The following VPS13A variants were observed in gnomAD, a reference collection of about 807,000 sequenced individuals.
VPS13A encodes the protein intermembrane lipid transfer protein VPS13A.
Under a neutral mutation model 390.9 loss-of-function variants are expected in VPS13A, and 264 were observed. The observed-to-expected ratio is 0.68, with a 90% CI of 0.61 to 0.75. The LOEUF is 0.75. Ranked by LOEUF, VPS13A falls within the 30% of genes least tolerant of loss-of-function variation. The pLI is 0.00. For synonymous variants in VPS13A, 1,231 were observed against 1,227.1 expected (o/e 1.00, Z -0.07); for missense variants, 3,409 against 3,733.9 (o/e 0.91, Z 2.27).
intron 35 of VPS13A, among the ~76,000 whole-genome samples, chr9:77,313,242 A>G (rs966137163): frequency 5.9e-5 from 9 of 152,222 alleles, no homozygotes; most frequent in African/African-American, 2.2e-4. Flanking sequence ...GATTGAAATT[A>G]GAATGGTAGA....
At chr9:77,198,476 G>A (rs901854829) in intron 1 of VPS13A, among the ~76,000 whole-genome samples, 2 of 152,096 alleles carry the variant, frequency 1.3e-5, no homozygotes, top group African/African-American at 4.8e-5. Flanking sequence ...TATTATGTCT[G>A]CACTCAGAAA....
rs1440066235 is a variant in VPS13A, at chr9:77,318,322, TCTA to T, written c.5047_5049del (p.Thr1683del). On this transcript the variant is annotated inframe_deletion, in exon 41 of 72. Transcript: ENST00000360280. The stretch of plus-strand genomic sequence containing the variant: ...AACCATCCCAGAAGAAACGGCTTCT[TCTA>T]CTGCACATTTATGGGAAAAGAAGGA... 6.2e-7 allele frequency: 1 copy of T among 1,612,436 alleles called. No individual in the cohort carries two copies. Among genetic ancestry groups the T allele is most frequent in the Admixed American group, 1.7e-5 (1 of 59,652 alleles).
rs12345256 is a variant in VPS13A, at chr9:77,316,661, G to A, written c.4863+255G>A. ...GTTGGGTTCATCTTGACAGTTTTCA[G>A]TTAAGATCTACTTTGACTTTCTAAC... On this transcript the variant is annotated intron_variant, in intron 39 of 71. Coordinates refer to ENST00000360280, the MANE Select transcript of VPS13A (RefSeq NM_033305.3). 0.2 allele frequency among the ~76,000 whole-genome samples: 30,440 copies of A among 152,002 alleles called. 3,258 individuals carry two copies. Among genetic ancestry groups the A allele is most frequent in the Middle Eastern group, 0.25 (73 of 292 alleles).
chr9:77,351,831 T>TTAG (rs1390709729), intron 53 of VPS13A, among the ~76,000 whole-genome samples: 9 of 152,226 alleles, frequency 5.9e-5, no homozygotes, highest in African/African-American at 2.2e-4. Flanking sequence ...ATCACGCCAC[T>TTAG]GCACTCCAGC....
intron 69 of VPS13A, among the ~76,000 whole-genome samples, chr9:77,404,490 G>A (rs972389540): frequency 6.6e-6 from 1 of 152,104 alleles, no homozygotes. Flanking sequence ...TTGCTTCAGC[G>A]ATCATTTTTG....
rs143826190 is a variant in VPS13A, at chr9:77,376,023, T to C, written c.9077+4874T>C. On this transcript the variant is annotated intron_variant, in intron 67 of 71. Coordinates refer to ENST00000360280, the MANE Select transcript of VPS13A (RefSeq NM_033305.3). ...AGATGCAAAATGGTAGGGAGGAGGG[T>C]TGCTATTTTACATATTCAGTGATCA... Among the ~76,000 whole-genome samples the C allele has an allele frequency of 5.3e-3, 813 of 152,010 alleles. 26 individuals carry two copies. Among genetic ancestry groups the C allele is most frequent in the Admixed American group, 0.048 (740 of 15,258 alleles).
chr9:77,316,501 C>T (rs1176279127), intron 39 of VPS13A, 95 bp downstream of exon 39: 1 of 1,010,598 alleles, frequency 9.9e-7, no homozygotes, highest in Non-Finnish European at 1.5e-6. Flanking sequence ...TGCTTTCCAA[C>T]CTTGCTCTGT....
intron 1 of VPS13A, among the ~76,000 whole-genome samples, chr9:77,186,552 C>T (rs1824350440): frequency 6.6e-6 from 1 of 152,226 alleles, no homozygotes; most frequent in African/African-American, 2.4e-5. Context: ...ATTCTCCTGC[C>T]TCAGCCTCCT....
chr9:77,380,244 A>G (rs1056699563), intron 67 of VPS13A, among the ~76,000 whole-genome samples: 6 of 152,038 alleles, frequency 3.9e-5, no homozygotes, highest in Non-Finnish European at 8.8e-5. Context: ...TTGACTCTAA[A>G]TCAGGTCTCC....
chr9:77,235,262 CA>C (rs1401397861), intron 17 of VPS13A, among the ~76,000 whole-genome samples: 4 of 152,062 alleles, frequency 2.6e-5, no homozygotes, highest in African/African-American at 9.7e-5. Context: ...AGTTTTTGTT[CA>C]TCTGGAAATG....
intron 45 of VPS13A, among the ~76,000 whole-genome samples, chr9:77,328,625 A>G (rs1334957904): frequency 2.0e-5 from 3 of 152,202 alleles, no homozygotes; most frequent in African/African-American, 7.2e-5. Flanking sequence ...AACTTGCTGC[A>G]GCCACTTGCC....
intron 9 of VPS13A, among the ~76,000 whole-genome samples, 183 bp downstream of exon 9, chr9:77,213,497 CTTT>C (rs527345941): frequency 1.9e-4 from 26 of 140,072 alleles, no homozygotes; most frequent in Admixed American, 4.3e-4. Flanking sequence ...ACCCCCATAT[CTTT>C]TTTTTTTTTT....
chr9:77,190,746 C>T (rs1824628091), intron 1 of VPS13A, among the ~76,000 whole-genome samples: 2 of 152,086 alleles, frequency 1.3e-5, no homozygotes, highest in Admixed American at 1.3e-4. Context: ...TATACAATTT[C>T]AGAACTCATT....
rs987750304 is a variant in VPS13A at position 77,295,077 on chromosome 9, TATA to T, written c.3508-463_3508-461del. ...TTTTTCTTTGAACATGAAAATTAGGTATAAGAGTATAAATATAGATAATTATAT... is the reference window on the plus strand; with the variant it reads ...TTTTTCTTTGAACATGAAAATTAGGTAGAGTATAAATATAGATAATTATAT... On this transcript the variant is annotated intron_variant, in intron 32 of 71. Transcript: ENST00000360280. 1.6e-4 allele frequency among the ~76,000 whole-genome samples: 25 copies of T among 152,078 alleles called. 1 individual carries two copies. Among genetic ancestry groups the T allele is most frequent in the Admixed American group, 1.6e-3 (24 of 15,254 alleles).
In VPS13A at chr9:77,198,203, A is replaced by G. The variant is rs185094921; in HGVS notation, c.101-1742A>G. On this transcript the variant is annotated intron_variant, in intron 1 of 71. Transcript: ENST00000360280. ...ATTAGAAGCAGTTGAGGGGCCCGGA[A>G]TTGGATCCTCAGGGGATGAGGAGGC... Among the ~76,000 whole-genome samples, 236 of 152,258 alleles carry G rather than the reference A, an allele frequency of 1.5e-3. 1 individual carries two copies. The highest frequency in any genetic ancestry group is 5.5e-3 in the African/African-American group (229 of 41,552).
chr9:77,260,287 A>G, intron 23 of VPS13A, 63 bp downstream of exon 23: 1 of 1,554,932 alleles, frequency 6.4e-7, no homozygotes, highest in South Asian at 1.2e-5. Context: ...AGTATTTCAA[A>G]CAATCACAGG....
At chr9:77,274,634 C>G (rs1826541457) in intron 24 of VPS13A, among the ~76,000 whole-genome samples, 1 of 151,770 alleles carries the variant, frequency 6.6e-6, no homozygotes. Context: ...TCTACATTTA[C>G]ATATAAAAAT....
At chr9:77,357,566 TA>T in intron 55 of VPS13A, 125 bp from the exon 56 acceptor site, 1 of 945,136 alleles carries the variant, frequency 1.1e-6, no homozygotes, top group Non-Finnish European at 1.6e-6. Flanking sequence ...CATGGGATAT[TA>T]AGATCTAAAT....
At chr9:77,340,596 C>G (rs747970131) in intron 50 of VPS13A, 46 bp downstream of exon 50, 1 of 1,607,928 alleles carries the variant, frequency 6.2e-7, no homozygotes, top group Non-Finnish European at 8.5e-7. Context: ...ATTCTATTTT[C>G]TCCTTGAAGT....
Sources: gnomAD v4.1 joint callset for allele counts (sites outside exome capture counted in the v4.1 genomes callset) on GRCh38, gnomAD v4.1.1 for gene constraint, MANE v1.5 for transcripts, NCBI Gene and HGNC (gene_info 2026-07-23, HGNC 2026-07-21) for gene names.